The following WNT9B variants were observed in gnomAD, a reference collection of about 807,000 sequenced individuals.
WNT9B encodes Wnt family member 9B, also known as protein Wnt-9b.
Under a neutral mutation model 30.2 loss-of-function variants are expected in WNT9B, and 12 were observed. That is an observed-to-expected ratio of 0.40 (90% CI 0.26 to 0.64). The LOEUF (loss-of-function observed/expected upper bound fraction) is 0.64, where lower values mean the gene tolerates loss of function less well. Among genes scored for constraint, WNT9B ranks in the 30% least tolerant of loss-of-function variants. The pLI is 0.42. For missense variants in WNT9B, 442 were observed against 485.2 expected (o/e 0.91, Z 0.84); for synonymous variants, 218 against 216.9 (o/e 1.01, Z -0.05).
chr17:46,845,023 A>G (rs1046001028), intron 1 of WNT9B, among the ~76,000 whole-genome samples: 1 of 151,912 alleles, frequency 6.6e-6, no homozygotes, highest in African/African-American at 2.4e-5. Flanking sequence ...AATTTTTTGT[A>G]TTTTTAGTAG....
exon 5 of WNT9B, chr17:46,885,791 C>T (rs1219084136): frequency 6.6e-6 from 1 of 152,350 alleles, no homozygotes; most frequent in Non-Finnish European, 1.5e-5. Context: ...GCACCACATC[C>T]CTCCCTGACA....
intron 1 of WNT9B, among the ~76,000 whole-genome samples, chr17:46,863,733 T>C (rs1342823035): frequency 6.6e-6 from 1 of 152,124 alleles, no homozygotes; most frequent in Non-Finnish European, 1.5e-5. Context: ...GAGTTAGACA[T>C]GGCAGAGGAC....
rs147055144 is a variant in WNT9B at position 46,872,524 on chromosome 17, G to A, written c.85G>A (p.Gly29Arg). 1.9e-4 allele frequency: 300 copies of A among 1,538,606 alleles called. 1 individual carries two copies. The African/African-American group carries it at 2.8e-3, about 14-fold the overall frequency. ...TCCTCTCGCTCTCTCTAGCCTGACC[G>A]GGCGGGAAGTCCTGACGCCCTTCCC... The part of the protein sequence containing the change: ...AAAASYFGLT[G>R]REVLTPFPGL... Residue 29 changes from glycine to arginine, a missense_variant, in exon 2 of 4, where the codon GGG (glycine) becomes AGG (arginine). Transcript: ENST00000290015.
intron 1 of WNT9B, among the ~76,000 whole-genome samples, chr17:46,834,899 A>G (rs553921970): frequency 6.6e-6 from 1 of 152,320 alleles, no homozygotes; most frequent in African/African-American, 2.4e-5. Flanking sequence ...ATTCCAAAAA[A>G]TGGCCATTGA....
chr17:46,882,492 G>C (rs552370802), downstream of WNT9B, among the ~76,000 whole-genome samples: 1 of 152,254 alleles, frequency 6.6e-6, no homozygotes, highest in South Asian at 2.1e-4. Flanking sequence ...CTGGAGTGCA[G>C]TGGTGCGATC....
chr17:46,877,050 G>A lies in WNT9B; in HGVS notation c.*332G>A. On this transcript the variant is annotated 3_prime_UTR_variant, in exon 4 of 4. Transcript: ENST00000290015. The stretch of plus-strand genomic sequence containing the variant: ...CTGAAATTTTGGACGGGAGAGAGGG[G>A]CTATTCCATCTTGCTTCCTGGGATG... 8.8e-7 allele frequency: 1 copy of A among 1,142,506 alleles called. No homozygotes were observed. Among genetic ancestry groups the A allele is most frequent in the African/African-American group, 1.6e-5 (1 of 62,690 alleles). The allele number at this position is 1,142,506 out of a possible 1,614,324, so 70.8% of individuals were successfully genotyped here. A position where few individuals can be genotyped will look rare whatever the true frequency, so the allele number is the denominator to read the frequency against.
intron 1 of WNT9B, among the ~76,000 whole-genome samples, chr17:46,862,280 A>G (rs2085053964): frequency 6.6e-6 from 1 of 152,150 alleles, no homozygotes; most frequent in Non-Finnish European, 1.5e-5. Flanking sequence ...AAGTACAGAA[A>G]GGTAACGTAT....
chr17:46,844,116 G>A (rs371957719), intron 1 of WNT9B, among the ~76,000 whole-genome samples: 3 of 152,048 alleles, frequency 2.0e-5, no homozygotes, highest in Admixed American at 6.6e-5. Flanking sequence ...ACAATGCCTG[G>A]CTAATTTTTT....
intron 1 of WNT9B, among the ~76,000 whole-genome samples, chr17:46,862,469 G>A (rs938208726): frequency 6.6e-6 from 1 of 152,158 alleles, no homozygotes; most frequent in Non-Finnish European, 1.5e-5. Context: ...AAAAAAACTT[G>A]TAGTTTTCTG....
chr17:46,876,179 C>T, intron 3 of WNT9B, 66 bp from the exon 4 acceptor site: 1 of 1,460,950 alleles, frequency 6.8e-7, no homozygotes, highest in South Asian at 1.4e-5. Context: ...GGTTGGTGCT[C>T]TGGGGGCAGG....
At chr17:46,873,314 C>T (rs1288664152) in intron 2 of WNT9B, among the ~76,000 whole-genome samples, 1 of 152,112 alleles carries the variant, frequency 6.6e-6, no homozygotes, top group East Asian at 1.9e-4. Context: ...CACCCACCCA[C>T]TAAGCATCCA....
Position 46,843,972 on chromosome 17 carries a change from A to T in WNT9B, c.95+10532A>T, listed in dbSNP as rs867060038. 4.6e-5 allele frequency among the ~76,000 whole-genome samples: 7 copies of T among 152,196 alleles called. No individual in the cohort carries two copies. In the South Asian group the frequency reaches 1.2e-3, roughly 27 times the overall value. On this transcript the variant is annotated intron_variant, in intron 1 of 2. Transcript: ENST00000575372. ...CTTTATTATTATTTTTTCTAAGACAAGGTTCTTGCTCTGTTGCAGTTCTTG... is the reference window on the plus strand; with the variant it reads ...CTTTATTATTATTTTTTCTAAGACATGGTTCTTGCTCTGTTGCAGTTCTTG...
chr17:46,872,470 C>A, intron 1 of WNT9B, 47 bp from the exon 2 acceptor site: 1 of 1,446,412 alleles, frequency 6.9e-7, no homozygotes. Flanking sequence ...TTGCCCCTCA[C>A]CACCATCCCC....
At chr17:46,838,339 A>G (rs868142318) in intron 1 of WNT9B, among the ~76,000 whole-genome samples, 17 of 150,680 alleles carry the variant, frequency 1.1e-4, no homozygotes, top group Middle Eastern at 6.8e-3. Flanking sequence ...AAAAAAAAAA[A>G]TCACAGGCCA....
intron 1 of WNT9B, among the ~76,000 whole-genome samples, chr17:46,862,559 G>A (rs559124833): frequency 6.6e-6 from 1 of 152,294 alleles, no homozygotes; most frequent in East Asian, 1.9e-4. Flanking sequence ...GCGAGAGGTT[G>A]TGCAAGCTGA....
At chr17:46,883,958 G>A (rs1404410080), downstream of WNT9B, among the ~76,000 whole-genome samples, 1 of 152,166 alleles carries the variant, frequency 6.6e-6, no homozygotes, top group African/African-American at 2.4e-5. Context: ...GTGTGTTTAC[G>A]CTGGAGCCGT....
Position 46,876,348 on chromosome 17 carries a change from G to A in WNT9B, c.704G>A (p.Gly235Asp). 6.2e-7 allele frequency: 1 copy of A among 1,614,142 alleles called. No individual in the cohort carries two copies. Among genetic ancestry groups the A allele is most frequent in the Non-Finnish European group, 8.5e-7 (1 of 1,180,040 alleles). Reference sequence around the variant, plus strand: ...CAGCTCTCCCCGTTCCGTGAGACGGGCCAGGTGCTGAAACTGCGCTATGAC... The same window carrying A: ...CAGCTCTCCCCGTTCCGTGAGACGGACCAGGTGCTGAAACTGCGCTATGAC... ...WKQLSPFRETGQVLKLRYDSA... is the reference protein window; with the variant it reads ...WKQLSPFRETDQVLKLRYDSA... Residue 235 changes from glycine to aspartate, a missense_variant, in exon 4 of 4, where the codon GGC becomes GAC. By Grantham distance (94) the Gly-to-Asp change is moderately conservative. Transcript: ENST00000290015.
In WNT9B at chr17:46,876,812, A is replaced by G; in HGVS notation, c.*94A>G. On this transcript the variant is annotated 3_prime_UTR_variant, in exon 4 of 4. Coordinates refer to ENST00000290015, the MANE Select transcript of WNT9B (RefSeq NM_003396.3). ...GGCCCTCTGGGCAGACTGTCATCAC[A>G]TGCATGCATAAACCGGCATGTGTGC... The G allele has an allele frequency of 1.4e-6, 2 of 1,446,930 alleles. No homozygotes were observed. Among genetic ancestry groups the G allele is most frequent in the Non-Finnish European group, 1.8e-6 (2 of 1,095,998 alleles). The allele number at this position is 1,446,930 out of a possible 1,614,324, so 89.6% of individuals were successfully genotyped here.
Position 46,856,664 on chromosome 17 carries a change from A to G in WNT9B, c.77+4949A>G, listed in dbSNP as rs888553514. Among the ~76,000 whole-genome samples the G allele has an allele frequency of 2.0e-5, 3 of 152,050 alleles. No homozygotes were observed. In the East Asian group the frequency reaches 5.8e-4, roughly 29 times the overall value. ...ATGCCCAGCTAATTTTTGTATTTTT[A>G]GTGAAGACACGGTTTCACCATGTTG... is the stretch of plus-strand genomic sequence containing the variant. On this transcript the variant is annotated intron_variant, in intron 1 of 3. Transcript: ENST00000290015.
Sources: gnomAD v4.1 joint callset for allele counts (sites outside exome capture counted in the v4.1 genomes callset) on GRCh38, gnomAD v4.1.1 for gene constraint, MANE v1.5 for transcripts, NCBI Gene and HGNC (gene_info 2026-07-23, HGNC 2026-07-21) for gene names.